Variants in DMD observed in about 807,000 individuals in gnomAD.
DMD encodes dystrophin.
Under a neutral mutation model 330.1 loss-of-function variants are expected in DMD, and 63 were observed. That is an observed-to-expected ratio of 0.19 (90% CI 0.16 to 0.24). The LOEUF (loss-of-function observed/expected upper bound fraction) is 0.24. Ranked by LOEUF, DMD falls within the 10% of genes least tolerant of loss-of-function variation. The probability of loss-of-function intolerance (pLI) is 1.00; values close to 1 mark genes in which losing one functional copy is unlikely to be tolerated. For synonymous variants in DMD, 1,223 were observed against 959.8 expected (o/e 1.27, Z -5.07); for missense variants, 3,344 against 2,684.1 (o/e 1.25, Z -5.43).
chrX:31,688,575 T>C (rs185386811), intron 52 of DMD, among the ~76,000 whole-genome samples: 3 of 111,758 alleles, frequency 2.7e-5, no homozygotes, highest in East Asian at 5.6e-4. Flanking sequence ...TCTAAAACTA[T>C]TCCAATCAAT....
chrX:31,506,104 T>C (rs146803564), intron 56 of DMD, among the ~76,000 whole-genome samples: 102 of 112,374 alleles, frequency 9.1e-4, no homozygotes, highest in Admixed American at 2.4e-3. Context: ...AAAGTGCTTA[T>C]GGCATTGCGT....
At chrX:33,106,947 G>A (rs2095292855) in intron 1 of DMD, among the ~76,000 whole-genome samples, 1 of 112,101 alleles carries the variant, frequency 8.9e-6, no homozygotes, top group Non-Finnish European at 1.9e-5. Context: ...GTAAGGTTTT[G>A]TGGTAGTCAG....
At chrX:32,462,175 A>G (rs1424863890) in intron 25 of DMD, among the ~76,000 whole-genome samples, 6 of 111,250 alleles carry the variant, frequency 5.4e-5, no homozygotes, top group Non-Finnish European at 1.1e-4. Context: ...GAAACCATAG[A>G]TGATACCTAA....
intron 1 of DMD, among the ~76,000 whole-genome samples, chrX:33,198,616 T>C (rs768750535): frequency 2.1e-3 from 230 of 111,664 alleles, no homozygotes; most frequent in African/African-American, 7.4e-3. Flanking sequence ...GCATTACACA[T>C]CAAGTAACTT....
intron 1 of DMD, among the ~76,000 whole-genome samples, chrX:33,249,563 C>T (rs1445026172): frequency 2.7e-5 from 3 of 111,671 alleles, no homozygotes; most frequent in East Asian, 2.8e-4. Flanking sequence ...ATATTACTTA[C>T]GACATTATGT....
At chrX:33,187,864 A>G (rs1387818031) in intron 1 of DMD, among the ~76,000 whole-genome samples, 1 of 111,926 alleles carries the variant, frequency 8.9e-6, no homozygotes, top group Non-Finnish European at 1.9e-5. Context: ...TTACGTATAT[A>G]CATATACAAT....
chrX:31,380,131 T>C (rs767623230), intron 60 of DMD, among the ~76,000 whole-genome samples: 2 of 110,996 alleles, frequency 1.8e-5, no homozygotes, highest in East Asian at 5.7e-4. Context: ...TTCCCTTACC[T>C]CCATAACTGT....
intron 16 of DMD, among the ~76,000 whole-genome samples, chrX:32,552,016 A>G (rs1237036476): frequency 8.9e-6 from 1 of 112,323 alleles, no homozygotes; most frequent in Non-Finnish European, 1.9e-5. Flanking sequence ...ATGCTCATGG[A>G]AGAATCAATA....
chrX:31,572,596 A>G (rs754290479), intron 55 of DMD, among the ~76,000 whole-genome samples: 2 of 112,558 alleles, frequency 1.8e-5, no homozygotes, highest in South Asian at 7.2e-4. Context: ...TTTTGTGTAT[A>G]AATACCCCAG....
At chrX:32,280,980 G>A (rs908006658) in intron 43 of DMD, among the ~76,000 whole-genome samples, 7 of 112,068 alleles carry the variant, frequency 6.2e-5, no homozygotes, top group African/African-American at 1.3e-4. Flanking sequence ...CTTTCTCTTC[G>A]AATCTGATTT....
intron 9 of DMD, among the ~76,000 whole-genome samples, chrX:32,666,173 G>C (rs2061289244): frequency 9.0e-6 from 1 of 111,321 alleles, no homozygotes; most frequent in South Asian, 3.9e-4. Context: ...TACAGTTGTT[G>C]AGAATGATTC....
intron 18 of DMD, among the ~76,000 whole-genome samples, chrX:32,504,668 T>C (rs2044433272): frequency 9.0e-6 from 1 of 111,432 alleles, no homozygotes; most frequent in Non-Finnish European, 1.9e-5. Context: ...ACATATATTT[T>C]TGTGGAACAC....
At chrX:32,577,876 C>T (rs2053235947) in intron 13 of DMD, among the ~76,000 whole-genome samples, 2 of 112,495 alleles carry the variant, frequency 1.8e-5, no homozygotes, top group Admixed American at 9.4e-5. Context: ...CTTGCTCATA[C>T]GCTGTAAACA....
In DMD at chrX:33,161,449, G is replaced by A. The variant is rs372708543; in HGVS notation, c.31+49833C>T. Among the ~76,000 whole-genome samples the A allele has an allele frequency of 4.5e-5, 5 of 111,584 alleles. No individual in the cohort carries two copies. In the South Asian group the frequency reaches 1.9e-3, roughly 42 times the overall value. ...AAACTCTTTATATATATTATGTTCAGTATTTTAGGAACCAGAAAGGGTGAT... is the reference window on the plus strand; with the variant it reads ...AAACTCTTTATATATATTATGTTCAATATTTTAGGAACCAGAAAGGGTGAT... On this transcript the variant is annotated intron_variant, in intron 1 of 78. Coordinates refer to ENST00000357033, the MANE Select transcript of DMD (RefSeq NM_004006.3).
chrX:33,183,002 A>G (rs957903724), intron 1 of DMD, among the ~76,000 whole-genome samples: 1 of 112,319 alleles, frequency 8.9e-6, no homozygotes. Flanking sequence ...AAAGCGGAAT[A>G]TCCTGTAATC....
chrX:32,030,027 T>C (rs2095872704), intron 44 of DMD, among the ~76,000 whole-genome samples: 1 of 112,105 alleles, frequency 8.9e-6, no homozygotes, highest in African/African-American at 3.2e-5. Context: ...GAATTTGCTC[T>C]AAGCCTGAGA....
chrX:32,362,985 C>T (rs2097842427), intron 36 of DMD, 27 bp from the exon 37 acceptor site: 1 of 1,182,309 alleles, frequency 8.5e-7, no homozygotes, highest in Admixed American at 2.3e-5. Context: ...AGAGATAGGA[C>T]TTGAAGTTAG....
At chrX:32,590,016 T>A (rs892093878) in intron 13 of DMD, among the ~76,000 whole-genome samples, 1 of 111,781 alleles carries the variant, frequency 8.9e-6, no homozygotes, top group South Asian at 3.7e-4. Flanking sequence ...TGCTAAAAGG[T>A]TCAGGAAAAT....
intron 37 of DMD, among the ~76,000 whole-genome samples, chrX:32,361,458 A>G (rs2097834092): frequency 9.0e-6 from 1 of 111,691 alleles, no homozygotes; most frequent in African/African-American, 3.3e-5. Context: ...CTATGTATGG[A>G]GAGAGAGAGT....
Sources: allele counts gnomAD v4.1 joint callset (sites outside exome capture counted in the v4.1 genomes callset), GRCh38; gene constraint gnomAD v4.1.1; transcripts MANE v1.5; gene names NCBI Gene and HGNC (gene_info 2026-07-23, HGNC 2026-07-21).